The following ROBO2 variants were observed in gnomAD, a reference collection of about 807,000 sequenced individuals.
ROBO2 encodes roundabout guidance receptor 2, also known as roundabout homolog 2.
A neutral mutation model predicts 160.8 loss-of-function variants in ROBO2; 53 were observed. That is an observed-to-expected ratio of 0.33 (90% confidence interval 0.26 to 0.41). ROBO2 has a LOEUF of 0.41. Ranked by LOEUF, ROBO2 falls within the 10% of genes least tolerant of loss-of-function variation. ROBO2 has a pLI of 1.00. For missense variants in ROBO2, 1,577 were observed against 1,722.4 expected, an observed-to-expected ratio of 0.92 and a Z score of 1.49; for synonymous variants, 664 against 611.7, an observed-to-expected ratio of 1.09 and a Z score of -1.26.
At chr3:77,640,396 G>A (rs1486074517) in intron 24 of ROBO2, among the ~76,000 whole-genome samples, 1 of 152,174 alleles carries the variant, frequency 6.6e-6, no homozygotes, top group Non-Finnish European at 1.5e-5. Context: ...TTACAGGCGT[G>A]AGCCACTGCG....
chr3:77,306,948 G>A (rs7617949), intron 2 of ROBO2, among the ~76,000 whole-genome samples: 6,294 of 152,168 alleles, frequency 0.041, 428 homozygotes, highest in African/African-American at 0.14. Context: ...CTGACAATAC[G>A]CAATTTCATT....
intron 2 of ROBO2, among the ~76,000 whole-genome samples, chr3:76,680,048 G>A (rs983027903): frequency 9.9e-5 from 15 of 152,026 alleles, no homozygotes; most frequent in African/African-American, 3.6e-4. Context: ...CTGTGTGCAG[G>A]TAATTAAAGC....
Position 77,496,511 on chromosome 3 carries a change from A to G in ROBO2, c.806+3129A>G, listed in dbSNP as rs78194315. Among the ~76,000 whole-genome samples, 594 of 152,298 alleles carry G rather than the reference A, an allele frequency of 3.9e-3. 5 individuals carry two copies. The highest frequency in any genetic ancestry group is 0.014 in the African/African-American group (562 of 41,566). ...AGACTAAATCAACAACATTGATTCT[A>G]TTACATTATTTAGGTCTCAGACTAG... is the stretch of plus-strand genomic sequence containing the variant. On this transcript the variant is annotated intron_variant, in intron 5 of 25. Coordinates refer to ENST00000461745, the Ensembl canonical transcript of ROBO2.
chr3:77,616,001 G>A (rs1032474243), intron 21 of ROBO2, among the ~76,000 whole-genome samples: 2 of 152,184 alleles, frequency 1.3e-5, no homozygotes, highest in Admixed American at 6.5e-5. Context: ...TGTATGAGGT[G>A]CAAGAAGTAG....
chr3:76,557,818 A>G (rs2083895852), intron 2 of ROBO2, among the ~76,000 whole-genome samples: 1 of 151,462 alleles, frequency 6.6e-6, no homozygotes, highest in Non-Finnish European at 1.5e-5. Flanking sequence ...TCCTGGCTTC[A>G]TTCTACAATT....
intron 2 of ROBO2, among the ~76,000 whole-genome samples, chr3:76,072,702 A>G (rs1239941896): frequency 6.6e-6 from 1 of 152,152 alleles, no homozygotes; most frequent in Non-Finnish European, 1.5e-5. Context: ...ATACAACCAT[A>G]TTTATTAAGA....
chr3:77,625,007 C>CATTAGGGAATAT (rs1273085929), intron 23 of ROBO2, among the ~76,000 whole-genome samples: 1 of 152,124 alleles, frequency 6.6e-6, no homozygotes, highest in East Asian at 1.9e-4. Context: ...ACAGCTGCCA[C>CATTAGGGAATAT]ATTAGGGAAT....
intron 2 of ROBO2, among the ~76,000 whole-genome samples, chr3:76,545,984 A>G (rs1183677558): frequency 1.3e-5 from 2 of 151,758 alleles, no homozygotes; most frequent in East Asian, 1.9e-4. Context: ...TTTTGTTGTT[A>G]CTTTTTGTTC....
At chr3:76,171,855 G>C (rs1349707142) in intron 2 of ROBO2, among the ~76,000 whole-genome samples, 1 of 152,068 alleles carries the variant, frequency 6.6e-6, no homozygotes, top group East Asian at 1.9e-4. Flanking sequence ...GGGGATTTTA[G>C]AATCCAGAAA....
intron 2 of ROBO2, among the ~76,000 whole-genome samples, chr3:76,364,058 T>G (rs11920211): frequency 0.071 from 10,829 of 152,100 alleles, 880 homozygotes; most frequent in East Asian, 0.4. Flanking sequence ...CTGCTTACAT[T>G]TACTGAGTCA....
chr3:77,048,418 C>T (rs766843008), intron 1 of ROBO2, among the ~76,000 whole-genome samples: 5 of 152,022 alleles, frequency 3.3e-5, no homozygotes, highest in African/African-American at 4.8e-5. Context: ...GTGAAAGGTG[C>T]GACGAATGAA....
intron 2 of ROBO2, among the ~76,000 whole-genome samples, chr3:77,206,628 G>A (rs943548101): frequency 5.3e-5 from 8 of 152,036 alleles, no homozygotes. Context: ...GAGGAACACA[G>A]TCTCACTCAT....
At chr3:77,584,130 C>T (rs2093984202) in intron 16 of ROBO2, among the ~76,000 whole-genome samples, 1 of 152,098 alleles carries the variant, frequency 6.6e-6, no homozygotes, top group Non-Finnish European at 1.5e-5. Flanking sequence ...GAGCATCACT[C>T]TCCACCATCT....
At chr3:77,094,584 T>C (rs970581641) in intron 1 of ROBO2, among the ~76,000 whole-genome samples, 1 of 152,198 alleles carries the variant, frequency 6.6e-6, no homozygotes, top group Non-Finnish European at 1.5e-5. Flanking sequence ...GGCAACTACA[T>C]GTTTGACATT....
intron 2 of ROBO2, among the ~76,000 whole-genome samples, chr3:76,351,346 A>T (rs2074862694): frequency 6.6e-6 from 1 of 151,960 alleles, no homozygotes. Flanking sequence ...CTATGTTAAA[A>T]GTAATGTAAG....
intron 2 of ROBO2, among the ~76,000 whole-genome samples, chr3:77,241,679 T>C (rs2089067391): frequency 6.6e-6 from 1 of 152,208 alleles, no homozygotes; most frequent in African/African-American, 2.4e-5. Flanking sequence ...GCAGACAAGT[T>C]AAGTCAGGTG....
intron 2 of ROBO2, among the ~76,000 whole-genome samples, chr3:76,698,570 G>A (rs2593874): frequency 0.36 from 54,461 of 152,030 alleles, 10,178 homozygotes; most frequent in East Asian, 0.56. Context: ...CACACTTGGA[G>A]TAATAGGAAT....
At chr3:77,299,257 G>T (rs1348175190) in intron 2 of ROBO2, among the ~76,000 whole-genome samples, 1 of 152,096 alleles carries the variant, frequency 6.6e-6, no homozygotes, top group African/African-American at 2.4e-5. Flanking sequence ...CAGAAGAATG[G>T]AATAGATAGG....
chr3:75,992,357 C>T (rs1423008910), intron 2 of ROBO2, among the ~76,000 whole-genome samples: 1 of 152,152 alleles, frequency 6.6e-6, no homozygotes, highest in Non-Finnish European at 1.5e-5. Context: ...CCAGCCATGA[C>T]TAACAGAGGC....
Sources: gnomAD v4.1 joint callset for allele counts (sites outside exome capture counted in the v4.1 genomes callset) on GRCh38, gnomAD v4.1.1 for gene constraint, MANE v1.5 for transcripts, NCBI Gene and HGNC (gene_info 2026-07-23, HGNC 2026-07-21) for gene names.